CTNND2: variants seen among roughly 807,000 people sequenced by gnomAD.
CTNND2 encodes the protein catenin delta 2.
In CTNND2, 22 loss-of-function variants were observed where a neutral mutation model predicts 144.4. That is an observed-to-expected ratio of 0.15 (90% CI 0.11 to 0.22). CTNND2 has a LOEUF of 0.22. Among genes scored for constraint, CTNND2 ranks in the 10% least tolerant of loss-of-function variants. The pLI is 1.00. For synonymous variants in CTNND2, 751 were observed against 695.6 expected (o/e 1.08, Z -1.25); for missense variants, 1,353 against 1,618.8 (o/e 0.84, Z 2.82).
chr5:11,696,025 T>A (rs914333456), intron 2 of CTNND2, among the ~76,000 whole-genome samples: 1 of 152,214 alleles, frequency 6.6e-6, no homozygotes, highest in African/African-American at 2.4e-5. Flanking sequence ...ATATCTATAA[T>A]CTACTTTAAA....
chr5:11,520,141 C>G (rs1205026857), intron 3 of CTNND2, among the ~76,000 whole-genome samples: 1 of 132,326 alleles, frequency 7.6e-6, no homozygotes, highest in Non-Finnish European at 1.6e-5. Flanking sequence ...GAGTGAAACT[C>G]TGTCTTGGAA....
At chr5:11,774,904 T>C (rs1383388762) in intron 1 of CTNND2, among the ~76,000 whole-genome samples, 1 of 152,180 alleles carries the variant, frequency 6.6e-6, no homozygotes, top group Non-Finnish European at 1.5e-5. Flanking sequence ...ATGTTCTAAC[T>C]ACATACAACA....
At chr5:11,859,632 T>C (rs1260989055) in intron 1 of CTNND2, among the ~76,000 whole-genome samples, 1 of 152,160 alleles carries the variant, frequency 6.6e-6, no homozygotes, top group Admixed American at 6.5e-5. Flanking sequence ...CAATCTCCTA[T>C]TCTTACCCTT....
At chr5:11,791,275 T>A (rs1355995277) in intron 1 of CTNND2, among the ~76,000 whole-genome samples, 1 of 152,182 alleles carries the variant, frequency 6.6e-6, no homozygotes, top group Non-Finnish European at 1.5e-5. Flanking sequence ...TACAGCAGCC[T>A]GCGGGGTATG....
intron 9 of CTNND2, among the ~76,000 whole-genome samples, chr5:11,249,121 C>G (rs1743307564): frequency 1.3e-5 from 2 of 152,196 alleles, no homozygotes; most frequent in South Asian, 4.1e-4. Context: ...AATTATCTAC[C>G]AGAAAAAGCC....
intron 10 of CTNND2, among the ~76,000 whole-genome samples, chr5:11,232,793 C>T (rs532702961): frequency 9.2e-5 from 14 of 152,230 alleles, no homozygotes; most frequent in African/African-American, 2.6e-4. Context: ...AGGGACCAGG[C>T]ATGGAATGAT....
intron 1 of CTNND2, among the ~76,000 whole-genome samples, chr5:11,848,198 C>T (rs1268512228): frequency 6.9e-6 from 1 of 145,092 alleles, no homozygotes; most frequent in East Asian, 2.0e-4. Flanking sequence ...TTAAACATTG[C>T]TACATTTTAT....
chr5:11,651,710 C>A (rs1402591080), intron 2 of CTNND2, among the ~76,000 whole-genome samples: 1 of 152,180 alleles, frequency 6.6e-6, no homozygotes, highest in East Asian at 1.9e-4. Flanking sequence ...GGAGTCAAAG[C>A]AGATTATTTT....
intron 16 of CTNND2, among the ~76,000 whole-genome samples, chr5:11,045,377 G>T (rs1028369229): frequency 6.6e-6 from 1 of 152,004 alleles, no homozygotes; most frequent in African/African-American, 2.4e-5. Context: ...GAGGGAGGGG[G>T]GGAAGGTGCC....
rs1239388887 is a variant in CTNND2 at position 11,179,796 on chromosome 5, G to T, written c.1975+19652C>A. Among the ~76,000 whole-genome samples the T allele has an allele frequency of 2.6e-5, 4 of 152,120 alleles. No homozygotes were observed. In the East Asian group the frequency reaches 7.7e-4, roughly 29 times the overall value. ...TATGTAATTGGCTTGGAGAAAGCAGGTATTTGTATTCCAAAATGATGCTGC... is the reference window on the plus strand; with the variant it reads ...TATGTAATTGGCTTGGAGAAAGCAGTTATTTGTATTCCAAAATGATGCTGC... On this transcript the variant is annotated intron_variant, in intron 11 of 21. Transcript: ENST00000304623.
intron 1 of CTNND2, among the ~76,000 whole-genome samples, chr5:11,885,398 C>T (rs1452225165): frequency 6.6e-6 from 1 of 152,112 alleles, no homozygotes; most frequent in African/African-American, 2.4e-5. Flanking sequence ...GAAGTAGCTA[C>T]ATTTATATCA....
rs550035179 is a variant in CTNND2 at position 11,514,841 on chromosome 5, C to T, written c.287+50103G>A. Among the ~76,000 whole-genome samples, 8 of 152,286 alleles carry T rather than the reference C, an allele frequency of 5.3e-5. No homozygotes were observed. In the South Asian group the frequency reaches 1.0e-3, roughly 20 times the overall value. ...TTCTTGAGACTTAGTCCCGCTCTGTCGCCCAAGATGGAGTGCAGTGGTGCG... is the reference window on the plus strand; with the variant it reads ...TTCTTGAGACTTAGTCCCGCTCTGTTGCCCAAGATGGAGTGCAGTGGTGCG... On this transcript the variant is annotated intron_variant, in intron 3 of 21. Transcript: ENST00000304623.
chr5:11,652,256 T>C (rs1266026081), intron 2 of CTNND2, among the ~76,000 whole-genome samples: 1 of 152,194 alleles, frequency 6.6e-6, no homozygotes, highest in Non-Finnish European at 1.5e-5. Flanking sequence ...GTTTGCTTTC[T>C]TCCTCCTCCT....
At chr5:11,793,054 T>C (rs1791219769) in intron 1 of CTNND2, among the ~76,000 whole-genome samples, 2 of 152,246 alleles carry the variant, frequency 1.3e-5, no homozygotes. Flanking sequence ...TCAATTTTCA[T>C]AATTTTTTCC....
chr5:10,981,533 C>T (rs1201719529), intron 21 of CTNND2, among the ~76,000 whole-genome samples: 1 of 152,050 alleles, frequency 6.6e-6, no homozygotes, highest in Non-Finnish European at 1.5e-5. Flanking sequence ...TGCACCAGAT[C>T]AAGCATGAGG....
Position 11,163,722 on chromosome 5 carries a change from A to G in CTNND2, c.1976-3963T>C, listed in dbSNP as rs561170092. ...GTTCCCTTATTCCTTCCAAATTCCA[A>G]TGTGAGAGTATACAAGATATAGCAA... On this transcript the variant is annotated intron_variant, in intron 11 of 21. Coordinates refer to ENST00000304623, the MANE Select transcript of CTNND2 (RefSeq NM_001332.4). Among the ~76,000 whole-genome samples, 12 of 152,218 alleles carry G rather than the reference A, an allele frequency of 7.9e-5. No individual in the cohort carries two copies. The South Asian group carries it at 2.1e-3, about 26-fold the overall frequency.
chr5:11,514,086 T>C (rs1487966393), intron 3 of CTNND2, among the ~76,000 whole-genome samples: 2 of 17,122 alleles, frequency 1.2e-4, no homozygotes, highest in Non-Finnish European at 2.3e-4. Context: ...CTCAGGAGGC[T>C]GAGAGGGGAG....
At chr5:11,634,211 T>C (rs1781565762) in intron 2 of CTNND2, among the ~76,000 whole-genome samples, 1 of 152,178 alleles carries the variant, frequency 6.6e-6, no homozygotes, top group Non-Finnish European at 1.5e-5. Context: ...TGTCTGGTTG[T>C]ACATAATGCC....
At chr5:11,083,812 A>C (rs1749850754) in intron 15 of CTNND2, 294 of 506,096 alleles carry the variant, frequency 5.8e-4, no homozygotes, top group Middle Eastern at 7.4e-4. Flanking sequence ...TTTCCCACCC[A>C]GTCCCCCCAC....
Sources: gnomAD v4.1 joint callset for allele counts (sites outside exome capture counted in the v4.1 genomes callset) on GRCh38, gnomAD v4.1.1 for gene constraint, MANE v1.5 for transcripts, NCBI Gene and HGNC (gene_info 2026-07-23, HGNC 2026-07-21) for gene names.